The following EML4 variants were observed in gnomAD, a reference collection of about 807,000 sequenced individuals.
EML4 encodes echinoderm microtubule-associated protein-like 4.
Under a neutral mutation model 129.0 loss-of-function variants are expected in EML4, and 72 were observed. The observed-to-expected ratio is 0.56, with a 90% CI of 0.46 to 0.68. The LOEUF is 0.68. Ranked by LOEUF, EML4 falls within the 30% of genes least tolerant of loss-of-function variation. The pLI is 0.00. For missense variants in EML4, 1,363 were observed against 1,190.6 expected (o/e 1.14, Z -2.13); for synonymous variants, 532 against 405.0 (o/e 1.31, Z -3.77).
chr2:42,208,107 C>T (rs1672667572), intron 1 of EML4: 1 of 152,136 alleles, frequency 6.6e-6, no homozygotes, highest in Admixed American at 6.5e-5. Flanking sequence ...TGTTTACTAC[C>T]TTTTCAACTC....
At chr2:42,282,517 C>T (rs1572684551) in intron 7 of EML4, among the ~76,000 whole-genome samples, 1 of 152,056 alleles carries the variant, frequency 6.6e-6, no homozygotes, top group East Asian at 1.9e-4. Flanking sequence ...CCTCAGACTC[C>T]CAAGTAGCTG....
intron 22 of EML4, 95 bp from the exon 23 acceptor site, chr2:42,329,639 C>T (rs1669991101): frequency 1.0e-6 from 1 of 980,282 alleles, no homozygotes; most frequent in South Asian, 1.5e-5. Context: ...ATTTCACAAG[C>T]TGAGTTTACC....
At position 42,183,251 on chromosome 2, in the gene EML4, G is replaced by A. The variant is rs112277241; in HGVS notation, c.25+13615G>A. ...TTGTTTTCATACTGGGAATATGTCA[G>A]TGAACAAAACAAAAATCCCTGCTCT... On this transcript the variant is annotated intron_variant, in intron 1 of 22. Transcript: ENST00000318522. Among the ~76,000 whole-genome samples the A allele has an allele frequency of 3.2e-3, 491 of 152,324 alleles. 1 individual carries two copies. Among genetic ancestry groups the A allele is most frequent in the Middle Eastern group, 6.8e-3 (2 of 294 alleles).
chr2:42,302,536 CT>C (rs765657314), intron 14 of EML4, among the ~76,000 whole-genome samples: 4,618 of 141,476 alleles, frequency 0.033, 193 homozygotes, highest in African/African-American at 0.1. Context: ...GAACTTACTT[CT>C]TTTTTTTTTT....
In EML4 at chr2:42,316,032, G is replaced by A; in HGVS notation, c.2038G>A (p.Val680Met). 2 of 1,613,506 alleles carry A rather than the reference G, an allele frequency of 1.2e-6. No individual in the cohort carries two copies. Among genetic ancestry groups the A allele is most frequent in the Non-Finnish European group, 1.7e-6 (2 of 1,179,512 alleles). ...CACAGACGGGAATGAACAGCTCTCT[G>A]TGATGCGCTACTCAATAGGTAGGCA... ...IHTDGNEQLS[V>M]MRYSIDGTFL... Residue 680 changes from valine (V) to methionine (M), a missense_variant, in exon 18 of 23, where the codon GTG becomes ATG. Transcript: ENST00000318522.
At chr2:42,206,634 G>A (rs1672562874) in intron 1 of EML4, among the ~76,000 whole-genome samples, 1 of 152,216 alleles carries the variant, frequency 6.6e-6, no homozygotes, top group East Asian at 1.9e-4. Flanking sequence ...AAGATTACTA[G>A]CCATTTATTT....
intron 1 of EML4, among the ~76,000 whole-genome samples, chr2:42,201,313 C>CATT (rs1277988065): frequency 6.6e-6 from 1 of 152,152 alleles, no homozygotes. Flanking sequence ...AAGGAGTTAG[C>CATT]ATTATTATCC....
At chr2:42,295,802 A>T (rs1415140068) in intron 13 of EML4, among the ~76,000 whole-genome samples, 1 of 152,248 alleles carries the variant, frequency 6.6e-6, no homozygotes, top group Non-Finnish European at 1.5e-5. Flanking sequence ...AAAAGTATAA[A>T]GGCTCACTTT....
intron 17 of EML4, 70 bp from the exon 18 acceptor site, chr2:42,315,892 A>G (rs1190245946): frequency 1.3e-5 from 15 of 1,190,628 alleles, no homozygotes; most frequent in Non-Finnish European, 1.8e-5. Context: ...AAAAAAAAAG[A>G]AAAAGAACAA....
chr2:42,225,973 A>G (rs1329010524), intron 1 of EML4, among the ~76,000 whole-genome samples: 1 of 152,128 alleles, frequency 6.6e-6, no homozygotes, highest in East Asian at 1.9e-4. Flanking sequence ...AACATCTAAA[A>G]ATTTGTTTTA....
At chr2:42,309,520 T>C (rs189228236) in intron 17 of EML4, among the ~76,000 whole-genome samples, 20 of 151,304 alleles carry the variant, frequency 1.3e-4, no homozygotes, top group African/African-American at 4.6e-4. Context: ...CTACCAGCAA[T>C]GTATGAGGGT....
rs966872348 is a variant in EML4 at position 42,295,364 on chromosome 2, T to G, written c.1354-17T>G. On this transcript the variant is annotated splice_polypyrimidine_tract_variant and intron_variant, in intron 12 of 22. Transcript: ENST00000318522. The stretch of plus-strand genomic sequence containing the variant: ...ATGGCAAAAAGAAAACTGAAAATTT[T>G]TATTGTTTCCTTGTAGAAATATGAA... 5.6e-6 allele frequency: 9 copies of G among 1,604,722 alleles called. No individual in the cohort carries two copies. The highest frequency in any genetic ancestry group is 7.6e-6 in the Non-Finnish European group (9 of 1,177,716).
intron 19 of EML4, among the ~76,000 whole-genome samples, chr2:42,321,553 G>C (rs1669523515): frequency 6.6e-6 from 1 of 151,902 alleles, no homozygotes; most frequent in East Asian, 1.9e-4. Flanking sequence ...TCATCACCTA[G>C]TTCCAAGCAG....
At chr2:42,213,032 T>A (rs1188334667) in intron 1 of EML4, among the ~76,000 whole-genome samples, 2 of 152,218 alleles carry the variant, frequency 1.3e-5, no homozygotes, top group East Asian at 3.8e-4. Flanking sequence ...CAAATGAGCA[T>A]ATTAGTGTAA....
chr2:42,255,462 A>C (rs1676075375), intron 2 of EML4, among the ~76,000 whole-genome samples: 1 of 152,198 alleles, frequency 6.6e-6, no homozygotes, highest in African/African-American at 2.4e-5. Context: ...AACATTGTGA[A>C]TATACTAATT....
At chr2:42,294,976 A>T (rs928048980) in intron 11 of EML4, 149 bp from the exon 12 acceptor site, 172 of 635,176 alleles carry the variant, frequency 2.7e-4, no homozygotes, top group Non-Finnish European at 4.0e-4. Flanking sequence ...AAAATACATT[A>T]TCAAAATTTT....
At chr2:42,177,507 C>T (rs1670675665) in intron 1 of EML4, among the ~76,000 whole-genome samples, 2 of 151,962 alleles carry the variant, frequency 1.3e-5, no homozygotes, top group Non-Finnish European at 2.9e-5. Flanking sequence ...CCTGTGGTCC[C>T]AGATACTCGA....
At chr2:42,235,892 T>A (rs1294311283) in intron 1 of EML4, among the ~76,000 whole-genome samples, 1 of 152,198 alleles carries the variant, frequency 6.6e-6, no homozygotes, top group Non-Finnish European at 1.5e-5. Flanking sequence ...GGATTCATTG[T>A]TCTCCAAAGA....
At chr2:42,320,991 T>G (rs559921034) in intron 19 of EML4, among the ~76,000 whole-genome samples, 85 of 152,254 alleles carry the variant, frequency 5.6e-4, no homozygotes, top group African/African-American at 2.0e-3. Flanking sequence ...GAGTAAACAC[T>G]TTATCTACCT....
Sources: gnomAD v4.1 joint callset for allele counts (sites outside exome capture counted in the v4.1 genomes callset) on GRCh38, gnomAD v4.1.1 for gene constraint, MANE v1.5 for transcripts, NCBI Gene and HGNC (gene_info 2026-07-23, HGNC 2026-07-21) for gene names.